Variants in TG observed in about 807,000 individuals in gnomAD.
TG encodes the protein thyroid hormones.
A neutral mutation model predicts 324.7 loss-of-function variants in TG; 270 were observed. The observed-to-expected ratio is 0.83, with a 90% CI of 0.75 to 0.92. The LOEUF (loss-of-function observed/expected upper bound fraction) is 0.92. Ranked by LOEUF, TG falls within the 40% of genes least tolerant of loss-of-function variation. TG has a pLI of 0.00. For synonymous variants in TG, 1,401 were observed against 1,327.0 expected (o/e 1.06, Z -1.21); for missense variants, 3,591 against 3,456.4 (o/e 1.04, Z -0.98).
At chr8:132,981,537 G>C (rs1286486658) in intron 34 of TG, among the ~76,000 whole-genome samples, 1 of 152,188 alleles carries the variant, frequency 6.6e-6, no homozygotes, top group Non-Finnish European at 1.5e-5. Flanking sequence ...GTATCAAGCT[G>C]GCCAGCTGGA....
At chr8:132,918,186 G>C (rs1187000928) in intron 20 of TG, among the ~76,000 whole-genome samples, 1 of 152,126 alleles carries the variant, frequency 6.6e-6, no homozygotes, top group Non-Finnish European at 1.5e-5. Context: ...CATTCCCTGA[G>C]CACAGACAAG....
At chr8:132,918,005 C>T (rs1461904599) in intron 20 of TG, among the ~76,000 whole-genome samples, 1 of 151,352 alleles carries the variant, frequency 6.6e-6, no homozygotes, top group East Asian at 2.0e-4. Context: ...AACTGAGGGT[C>T]AGCACCTATT....
chr8:132,988,690 T>C (rs1203909535), intron 35 of TG: 8 of 985,048 alleles, frequency 8.1e-6, no homozygotes, highest in Non-Finnish European at 9.6e-6. Flanking sequence ...CAGACAAATG[T>C]ACATTGCATC....
chr8:132,870,467 C>T (rs1839382395), intron 3 of TG, among the ~76,000 whole-genome samples: 1 of 150,304 alleles, frequency 6.7e-6, no homozygotes, highest in African/African-American at 2.5e-5. Flanking sequence ...GGGTCCTCAT[C>T]TGTAACATGA....
At chr8:132,867,850 T>C (rs1839109228) in intron 1 of TG, among the ~76,000 whole-genome samples, 1 of 152,026 alleles carries the variant, frequency 6.6e-6, no homozygotes, top group Admixed American at 6.5e-5. Flanking sequence ...GTTACGTGAC[T>C]TTGGGCAGAC....
intron 41 of TG, among the ~76,000 whole-genome samples, chr8:133,041,784 GTTTTTT>G (rs529937626): frequency 8.0e-6 from 1 of 124,422 alleles, no homozygotes; most frequent in Non-Finnish European, 1.7e-5. Context: ...CTTGTGGTCA[GTTTTTT>G]TTTTTTTTTT....
chr8:132,885,971 A>G (rs1246485081), intron 8 of TG, among the ~76,000 whole-genome samples: 1 of 152,142 alleles, frequency 6.6e-6, no homozygotes, highest in Admixed American at 6.5e-5. Flanking sequence ...TGACCTTCTT[A>G]TAAGGACATC....
chr8:133,125,408 G>T (rs1437708893), intron 45 of TG, among the ~76,000 whole-genome samples: 1 of 152,208 alleles, frequency 6.6e-6, no homozygotes, highest in Non-Finnish European at 1.5e-5. Context: ...TCCTCATGTA[G>T]AAGTGGGAAA....
chr8:132,983,660 A>G, intron 35 of TG: 1 of 585,792 alleles, frequency 1.7e-6, no homozygotes, highest in Non-Finnish European at 3.0e-6. Flanking sequence ...GAAGCAGAGT[A>G]AGACCTAAGT....
chr8:132,947,030 G>A (rs530131213), intron 26 of TG, among the ~76,000 whole-genome samples: 2 of 152,152 alleles, frequency 1.3e-5, no homozygotes, highest in Non-Finnish European at 2.9e-5. Flanking sequence ...ACTCTCCTGG[G>A]CTCTGAGTGT....
chr8:132,929,745 T>C (rs573625315), intron 23 of TG, among the ~76,000 whole-genome samples: 2 of 152,318 alleles, frequency 1.3e-5, no homozygotes, highest in East Asian at 3.9e-4. Flanking sequence ...GATTTTATCT[T>C]TGGGGTGCAC....
At chr8:132,897,964 A>G (rs183230990) in intron 12 of TG, among the ~76,000 whole-genome samples, 178 bp downstream of exon 12, 2 of 152,300 alleles carry the variant, frequency 1.3e-5, no homozygotes, top group Non-Finnish European at 2.9e-5. Context: ...AGGAGCAGGA[A>G]ACTTCTACCA....
intron 25 of TG, among the ~76,000 whole-genome samples, chr8:132,938,976 C>T (rs1176397726): frequency 6.7e-6 from 1 of 148,416 alleles, no homozygotes; most frequent in East Asian, 2.0e-4. Flanking sequence ...GGCATGAACC[C>T]AGGAGGTGGA....
chr8:132,907,050 C>A, intron 17 of TG, 150 bp downstream of exon 17: 1 of 806,130 alleles, frequency 1.2e-6, no homozygotes, highest in South Asian at 1.5e-5. Context: ...GGGAGAGAGT[C>A]CCATGGAGCA....
chr8:133,089,985 C>T (rs544176998), intron 41 of TG: 27 of 152,314 alleles, frequency 1.8e-4, no homozygotes, highest in African/African-American at 6.5e-4. Flanking sequence ...TTGGCTTACT[C>T]CTGCTGATTA....
chr8:132,965,881 G>C lies in TG; in HGVS notation c.5549-679G>C, dbSNP rs1019338891. Among the ~76,000 whole-genome samples the C allele has an allele frequency of 7.9e-5, 12 of 152,344 alleles. No homozygotes were observed. In the East Asian group the frequency reaches 2.3e-3, roughly 29 times the overall value. On this transcript the variant is annotated intron_variant, in intron 29 of 47. Coordinates refer to ENST00000220616, the MANE Select transcript of TG (RefSeq NM_003235.5). ...ATCCGAGTTGAGGCTGAAAATGCAA[G>C]TAGAGCCCAGATTAAGAAAAGAATC...
At position 132,966,603 on chromosome 8, in the gene TG, C is replaced by G. The variant is rs765083226; in HGVS notation, c.5592C>G (p.Val1864=). 6.2e-7 allele frequency: 1 copy of G among 1,614,006 alleles called. No homozygotes were observed. Among genetic ancestry groups the G allele is most frequent in the African/African-American group, 1.3e-5 (1 of 74,918 alleles). The change falls in exon 30 of 48, where the codon GTC becomes GTG. Residue 1864 remains valine (V), a synonymous_variant. Coordinates refer to ENST00000220616, the MANE Select transcript of TG (RefSeq NM_003235.5). The stretch of plus-strand genomic sequence containing the variant: ...TCTCCCCTGTGGACCTCAACCAGGT[C>G]ATTGTCAATGGAAATCAATCACTAT... ...ELFSPVDLNQ[V]IVNGNQSLSS... is the part of the protein sequence containing the mutation.
chr8:132,882,472 TG>T lies in TG; in HGVS notation c.751del (p.Glu251SerfsTer151). The T allele has an allele frequency of 6.2e-7, 1 of 1,614,220 alleles. No homozygotes were observed. Among genetic ancestry groups the T allele is most frequent in the African/African-American group, 1.3e-5 (1 of 75,044 alleles). On this transcript the variant is annotated frameshift_variant, in exon 7 of 48. Coordinates refer to ENST00000220616, the MANE Select transcript of TG (RefSeq NM_003235.5). LOFTEE classifies it high-confidence loss of function. ...SQGRELAETG[L>X]ELLLDEIYDT... is the part of the protein sequence containing the mutation. ...AAGTCTTGCTGTCTTTGCTCAGGTTTGGAGTTGTTACTGGATGAAATTTATG... is the reference window on the plus strand; with the variant it reads ...AAGTCTTGCTGTCTTTGCTCAGGTTTGAGTTGTTACTGGATGAAATTTATG...
At chr8:132,964,775 G>C in intron 29 of TG, 1 of 634,436 alleles carries the variant, frequency 1.6e-6, no homozygotes, top group Non-Finnish European at 2.8e-6. Flanking sequence ...AGGCTAGTGA[G>C]AATTCCATGT....
Sources: gnomAD v4.1 joint callset for allele counts (sites outside exome capture counted in the v4.1 genomes callset) on GRCh38, gnomAD v4.1.1 for gene constraint, MANE v1.5 for transcripts, NCBI Gene and HGNC (gene_info 2026-07-23, HGNC 2026-07-21) for gene names.